Variants in SLC35F1 observed in about 807,000 individuals in gnomAD.
SLC35F1 encodes solute carrier family 35 member F1.
In SLC35F1, 14 loss-of-function variants were observed where a neutral mutation model predicts 48.7. The ratio of observed to expected loss-of-function variants is 0.29; its 90% CI spans 0.19 to 0.45. The LOEUF (loss-of-function observed/expected upper bound fraction) is 0.45, where lower values mean the gene tolerates loss of function less well. SLC35F1 is among the 20% of genes least tolerant of loss of function. The probability of loss-of-function intolerance (pLI) is 1.00; values close to 1 mark genes in which losing one functional copy is unlikely to be tolerated. For synonymous variants in SLC35F1, 190 were observed against 202.2 expected, an observed-to-expected ratio of 0.94 and a Z score of 0.51; for missense variants, 404 against 500.0, an observed-to-expected ratio of 0.81 and a Z score of 1.83.
intron 7 of SLC35F1, among the ~76,000 whole-genome samples, chr6:118,305,048 ATGTG>A (rs758520455): frequency 0.023 from 1,809 of 80,146 alleles, 47 homozygotes; most frequent in East Asian, 0.079. Context: ...ATCAACAGGA[ATGTG>A]TGTGTGTGTG....
chr6:117,973,754 AC>A (rs1776673296), intron 1 of SLC35F1, among the ~76,000 whole-genome samples: 1 of 152,096 alleles, frequency 6.6e-6, no homozygotes. Context: ...TAGAAACTAT[AC>A]TTTAGGATTA....
intron 1 of SLC35F1, among the ~76,000 whole-genome samples, chr6:118,153,008 T>A (rs1478650251): frequency 6.6e-6 from 1 of 152,170 alleles, no homozygotes; most frequent in Non-Finnish European, 1.5e-5. Context: ...CTCAGAAAAT[T>A]CTTCTCTGCA....
At chr6:118,001,302 T>C (rs1777090428) in intron 1 of SLC35F1, among the ~76,000 whole-genome samples, 2 of 152,138 alleles carry the variant, frequency 1.3e-5, no homozygotes, top group African/African-American at 2.4e-5. Flanking sequence ...GCCACATATC[T>C]ACAACTATCT....
intron 1 of SLC35F1, among the ~76,000 whole-genome samples, chr6:118,028,568 G>A (rs1771992177): frequency 6.6e-6 from 1 of 152,068 alleles, no homozygotes; most frequent in African/African-American, 2.4e-5. Context: ...TTGAGTTTTA[G>A]AGTTCACAGG....
chr6:118,120,521 C>T (rs951636380), intron 1 of SLC35F1, among the ~76,000 whole-genome samples: 1 of 152,110 alleles, frequency 6.6e-6, no homozygotes, highest in Non-Finnish European at 1.5e-5. Context: ...CATGTTACCC[C>T]CTACAACTTA....
At chr6:117,938,920 G>A (rs1215560886) in intron 1 of SLC35F1, among the ~76,000 whole-genome samples, 1 of 150,380 alleles carries the variant, frequency 6.6e-6, no homozygotes, top group Non-Finnish European at 1.5e-5. Flanking sequence ...TTTACAGGCA[G>A]TCCCCTCTGT....
chr6:118,184,213 G>T (rs182530048), intron 2 of SLC35F1, among the ~76,000 whole-genome samples: 3 of 152,242 alleles, frequency 2.0e-5, no homozygotes, highest in Admixed American at 6.5e-5. Flanking sequence ...ACACATCCTG[G>T]TTGGCCTACA....
intron 3 of SLC35F1, among the ~76,000 whole-genome samples, chr6:118,245,284 T>A (rs1489914414): frequency 6.6e-6 from 1 of 152,176 alleles, no homozygotes; most frequent in Non-Finnish European, 1.5e-5. Context: ...CCTTCTAGTT[T>A]AAAAACTCTC....
At position 118,064,254 on chromosome 6, in the gene SLC35F1, C is replaced by T. The variant is rs369826301; in HGVS notation, c.174-90191C>T. Among the ~76,000 whole-genome samples the T allele has an allele frequency of 6.9e-4, 105 of 152,286 alleles. No homozygotes were observed. The East Asian group carries it at 0.012, about 18-fold the overall frequency. ...TGATTCAGTTACATCCTACTGGGTC[C>T]CTCCCACAACACATGGAAATTCAAG... On this transcript the variant is annotated intron_variant, in intron 1 of 7. Transcript: ENST00000360388.
intron 1 of SLC35F1, among the ~76,000 whole-genome samples, chr6:118,069,323 T>C (rs565757411): frequency 1.4e-3 from 215 of 152,318 alleles, no homozygotes; most frequent in Middle Eastern, 3.4e-3. Flanking sequence ...CTTAACATCA[T>C]TTTCAAAGTC....
At chr6:118,018,896 C>T (rs893585136) in intron 1 of SLC35F1, among the ~76,000 whole-genome samples, 4 of 152,154 alleles carry the variant, frequency 2.6e-5, no homozygotes, top group African/African-American at 9.7e-5. Context: ...CTCCAATACA[C>T]GTGCCATGAC....
chr6:118,232,943 G>A (rs1775312950), intron 2 of SLC35F1, among the ~76,000 whole-genome samples: 1 of 151,466 alleles, frequency 6.6e-6, no homozygotes, highest in African/African-American at 2.4e-5. Flanking sequence ...CTAGAAGGGG[G>A]GCTGGTCCCA....
intron 7 of SLC35F1, among the ~76,000 whole-genome samples, chr6:118,297,167 T>C (rs994022757): frequency 6.6e-6 from 1 of 152,234 alleles, no homozygotes; most frequent in Non-Finnish European, 1.5e-5. Flanking sequence ...CCTTGACTTT[T>C]ACTGTACTGT....
At chr6:118,285,080 G>A (rs1776033182) in intron 6 of SLC35F1, 104 bp from the exon 7 acceptor site, 5 of 1,205,640 alleles carry the variant, frequency 4.1e-6, no homozygotes, top group South Asian at 1.5e-5. Context: ...ACTGCCTTGT[G>A]TGAGTGACAA....
chr6:118,055,925 G>C (rs1772456915), intron 1 of SLC35F1, among the ~76,000 whole-genome samples: 2 of 152,246 alleles, frequency 1.3e-5, no homozygotes, highest in African/African-American at 4.8e-5. Context: ...AAGGGACAGA[G>C]ACCAGCATCT....
intron 1 of SLC35F1, among the ~76,000 whole-genome samples, chr6:118,064,484 A>G (rs1772585598): frequency 6.6e-6 from 1 of 152,162 alleles, no homozygotes; most frequent in African/African-American, 2.4e-5. Flanking sequence ...GAATGGTCCC[A>G]TTGTTTGGTC....
chr6:118,130,109 T>A (rs1773687981), intron 1 of SLC35F1, among the ~76,000 whole-genome samples: 1 of 152,184 alleles, frequency 6.6e-6, no homozygotes, highest in African/African-American at 2.4e-5. Context: ...GTCTTCCTAG[T>A]TTGAAGCCTT....
intron 6 of SLC35F1, among the ~76,000 whole-genome samples, chr6:118,281,107 T>C (rs565618300): frequency 6.7e-6 from 1 of 149,310 alleles, no homozygotes; most frequent in Admixed American, 6.7e-5. Context: ...ACAACTGAAA[T>C]CCCAAAGAAA....
chr6:117,984,876 CAT>C (rs1776829680), intron 1 of SLC35F1, among the ~76,000 whole-genome samples: 1 of 152,186 alleles, frequency 6.6e-6, no homozygotes, highest in African/African-American at 2.4e-5. Flanking sequence ...GTAACTCACA[CAT>C]GTCTGATGTG....
Sources: allele counts gnomAD v4.1 joint callset (sites outside exome capture counted in the v4.1 genomes callset), GRCh38; gene constraint gnomAD v4.1.1; transcripts MANE v1.5; gene names NCBI Gene and HGNC (gene_info 2026-07-23, HGNC 2026-07-21).